Variants in CNTNAP2 observed in about 807,000 individuals in gnomAD.
CNTNAP2 encodes the protein contactin associated protein 2.
CNTNAP2 carries 98 observed loss-of-function variants against 155.2 expected under a neutral mutation model. The ratio of observed to expected loss-of-function variants is 0.63; its 90% CI spans 0.54 to 0.75. The LOEUF is 0.75. Ranked by LOEUF, CNTNAP2 falls within the 30% of genes least tolerant of loss-of-function variation. CNTNAP2 has a pLI of 0.00. For synonymous variants in CNTNAP2, 651 were observed against 631.2 expected, an observed-to-expected ratio of 1.03 and a Z score of -0.47; for missense variants, 1,727 against 1,688.1, an observed-to-expected ratio of 1.02 and a Z score of -0.40.
At chr7:146,804,771 C>T (rs527850108) in intron 2 of CNTNAP2, among the ~76,000 whole-genome samples, 52 of 152,176 alleles carry the variant, frequency 3.4e-4, no homozygotes, top group Non-Finnish European at 7.2e-4. Context: ...CTACACTCAA[C>T]TGGTCTAAAG....
chr7:146,938,438 T>G (rs1489924990), intron 3 of CNTNAP2, among the ~76,000 whole-genome samples: 1 of 150,436 alleles, frequency 6.6e-6, no homozygotes, highest in African/African-American at 2.4e-5. Flanking sequence ...TGTATACATG[T>G]GTGTATACAT....
chr7:147,395,361 G>T (rs1796796460), intron 9 of CNTNAP2, among the ~76,000 whole-genome samples: 1 of 151,944 alleles, frequency 6.6e-6, no homozygotes, highest in Non-Finnish European at 1.5e-5. Context: ...GAGAAAATTT[G>T]AGTGACAGTA....
chr7:147,570,887 C>T (rs868598988), intron 12 of CNTNAP2, among the ~76,000 whole-genome samples: 5 of 152,148 alleles, frequency 3.3e-5, no homozygotes, highest in African/African-American at 1.2e-4. Context: ...TTCTGTAGTA[C>T]GATTTGCAAT....
intron 10 of CNTNAP2, among the ~76,000 whole-genome samples, chr7:147,465,262 A>G (rs924877337): frequency 6.6e-6 from 1 of 152,198 alleles, no homozygotes; most frequent in Admixed American, 6.5e-5. Context: ...TCAGCATTAC[A>G]CAATATACCC....
At chr7:147,780,160 T>A (rs1797642586) in intron 13 of CNTNAP2, among the ~76,000 whole-genome samples, 1 of 152,204 alleles carries the variant, frequency 6.6e-6, no homozygotes, top group Non-Finnish European at 1.5e-5. Context: ...CTGCTCTGAA[T>A]GACAGGCACA....
At chr7:146,523,120 G>A (rs1009211602) in intron 1 of CNTNAP2, among the ~76,000 whole-genome samples, 6 of 151,964 alleles carry the variant, frequency 3.9e-5, no homozygotes, top group Non-Finnish European at 5.9e-5. Context: ...TGCACCATCT[G>A]TGTTGTCCTT....
chr7:146,340,698 C>G (rs896106819), intron 1 of CNTNAP2, among the ~76,000 whole-genome samples: 1 of 152,010 alleles, frequency 6.6e-6, no homozygotes, highest in East Asian at 1.9e-4. Context: ...GAAGTAGAAT[C>G]GGATCTACTA....
intron 3 of CNTNAP2, among the ~76,000 whole-genome samples, chr7:146,857,650 G>C (rs989465764): frequency 2.0e-5 from 3 of 152,134 alleles, no homozygotes; most frequent in Admixed American, 1.3e-4. Flanking sequence ...AATGGGAGGG[G>C]CAATGAGGGA....
At chr7:146,763,444 A>C (rs999044640) in intron 1 of CNTNAP2, among the ~76,000 whole-genome samples, 1 of 152,094 alleles carries the variant, frequency 6.6e-6, no homozygotes, top group African/African-American at 2.4e-5. Flanking sequence ...ACCATCTGAA[A>C]TACTGTGTAT....
intron 1 of CNTNAP2, among the ~76,000 whole-genome samples, chr7:146,609,498 A>G (rs1799100456): frequency 6.6e-6 from 1 of 152,178 alleles, no homozygotes; most frequent in South Asian, 2.1e-4. Context: ...TCTACATTTG[A>G]AAATTGAAAC....
intron 15 of CNTNAP2, among the ~76,000 whole-genome samples, chr7:148,085,694 CCCTTCCTTCCTT>C (rs370800555): frequency 1.3e-5 from 2 of 150,884 alleles, no homozygotes; most frequent in African/African-American, 4.9e-5. Flanking sequence ...TTTTCTCTTT[CCCTTCCTTCCTT>C]CCTTCCTTCC....
At chr7:147,161,946 C>T (rs768568684) in intron 8 of CNTNAP2, 2 of 152,150 alleles carry the variant, frequency 1.3e-5, no homozygotes, top group Non-Finnish European at 2.9e-5. Context: ...TATCATAATA[C>T]TTCTTCAAGG....
At chr7:146,409,296 C>G (rs950769419) in intron 1 of CNTNAP2, among the ~76,000 whole-genome samples, 3 of 152,084 alleles carry the variant, frequency 2.0e-5, no homozygotes, top group African/African-American at 7.2e-5. Flanking sequence ...GATTTAAAAA[C>G]CATTGCTTAA....
intron 14 of CNTNAP2, among the ~76,000 whole-genome samples, chr7:147,910,500 A>G (rs552881683): frequency 6.6e-6 from 1 of 152,214 alleles, no homozygotes; most frequent in South Asian, 2.1e-4. Flanking sequence ...ACTCATCCTT[A>G]GGAATTACAC....
chr7:146,465,134 C>CCACACA (rs35434111), intron 1 of CNTNAP2, among the ~76,000 whole-genome samples: 9 of 149,850 alleles, frequency 6.0e-5, no homozygotes, highest in African/African-American at 2.2e-4. Flanking sequence ...CACACACACA[C>CCACACA]CACACACACA....
chr7:146,348,101 T>C (rs1479687953), intron 1 of CNTNAP2, among the ~76,000 whole-genome samples: 1 of 152,092 alleles, frequency 6.6e-6, no homozygotes, highest in Non-Finnish European at 1.5e-5. Context: ...TATGATATTA[T>C]TTTTCCACAC....
intron 1 of CNTNAP2, among the ~76,000 whole-genome samples, chr7:146,727,173 G>A (rs552369490): frequency 6.6e-6 from 1 of 152,174 alleles, no homozygotes; most frequent in East Asian, 1.9e-4. Context: ...ATAAATACGA[G>A]ATATCCCCAT....
At chr7:146,782,445 G>C (rs1183417639) in intron 2 of CNTNAP2, among the ~76,000 whole-genome samples, 2 of 152,314 alleles carry the variant, frequency 1.3e-5, no homozygotes, top group East Asian at 3.9e-4. Context: ...AGCAGTAAAA[G>C]GAGAGTGGCT....
intron 11 of CNTNAP2, among the ~76,000 whole-genome samples, chr7:147,528,804 C>T (rs550529381): frequency 6.6e-6 from 1 of 152,130 alleles, no homozygotes; most frequent in Non-Finnish European, 1.5e-5. Flanking sequence ...TAATACCAAT[C>T]CGAACAAGCT....
Sources: gnomAD v4.1 joint callset for allele counts (sites outside exome capture counted in the v4.1 genomes callset) on GRCh38, gnomAD v4.1.1 for gene constraint, MANE v1.5 for transcripts, NCBI Gene and HGNC (gene_info 2026-07-23, HGNC 2026-07-21) for gene names.